Variants in FMN1 observed in about 807,000 individuals in gnomAD.
FMN1 encodes formin-1.
In FMN1, 110 loss-of-function variants were observed where a neutral mutation model predicts 132.4. The observed-to-expected ratio is 0.83, with a 90% CI of 0.71 to 0.97. The LOEUF is 0.97. Ranked by LOEUF, FMN1 falls within the 50% of genes least tolerant of loss-of-function variation. FMN1 has a pLI of 0.00. For missense variants in FMN1, 1,792 were observed against 1,705.3 expected (o/e 1.05, Z -0.90); for synonymous variants, 722 against 651.7 (o/e 1.11, Z -1.64).
intron 7 of FMN1, among the ~76,000 whole-genome samples, chr15:33,006,897 G>A (rs55856020): frequency 0.019 from 2,819 of 152,130 alleles, 80 homozygotes; most frequent in African/African-American, 0.061. Flanking sequence ...AGAGAGGGGT[G>A]AAAAGTGGGG....
intron 17 of FMN1, among the ~76,000 whole-genome samples, chr15:32,809,030 T>G (rs2057779168): frequency 6.6e-6 from 1 of 150,758 alleles, no homozygotes; most frequent in South Asian, 2.2e-4. Context: ...GCTCATTTTG[T>G]TTTATTTCAT....
chr15:33,144,219 A>G (rs943874281), intron 4 of FMN1, among the ~76,000 whole-genome samples: 6 of 152,158 alleles, frequency 3.9e-5, no homozygotes, highest in African/African-American at 1.4e-4. Context: ...AAATTTTAAA[A>G]CCCTGATTTA....
intron 4 of FMN1, 95 bp from the exon 5 acceptor site, chr15:33,089,069 T>TGTAGGA: frequency 4.1e-6 from 4 of 972,808 alleles, no homozygotes; most frequent in Non-Finnish European, 5.8e-6. Context: ...GACTTCTCTA[T>TGTAGGA]GCTAGCTCTT....
intron 17 of FMN1, among the ~76,000 whole-genome samples, chr15:32,845,922 C>T (rs1029418535): frequency 2.0e-5 from 3 of 151,830 alleles, no homozygotes; most frequent in African/African-American, 7.3e-5. Flanking sequence ...CATAATGACA[C>T]TGTGTACTAG....
intron 7 of FMN1, among the ~76,000 whole-genome samples, chr15:33,002,418 G>A (rs757769830): frequency 6.6e-6 from 1 of 152,222 alleles, no homozygotes; most frequent in Non-Finnish European, 1.5e-5. Context: ...ACAGGTAGGG[G>A]TGATATTCAG....
intron 19 of FMN1, among the ~76,000 whole-genome samples, chr15:32,797,686 A>C (rs1055884372): frequency 6.6e-6 from 1 of 152,176 alleles, no homozygotes; most frequent in African/African-American, 2.4e-5. Flanking sequence ...ATGTGTTGAT[A>C]AACACATCTT....
chr15:32,984,701 G>A (rs2032940440), intron 7 of FMN1, among the ~76,000 whole-genome samples: 1 of 152,066 alleles, frequency 6.6e-6, no homozygotes, highest in Non-Finnish European at 1.5e-5. Context: ...GATGGTGGTG[G>A]CCTTAGAGAA....
intron 5 of FMN1, among the ~76,000 whole-genome samples, chr15:33,076,635 TATGAGA>T (rs940284336): frequency 2.6e-5 from 4 of 152,170 alleles, no homozygotes; most frequent in Non-Finnish European, 4.4e-5. Flanking sequence ...TCCATAACTC[TATGAGA>T]AAGATGTCAT....
intron 4 of FMN1, among the ~76,000 whole-genome samples, chr15:33,129,996 T>A (rs977186423): frequency 6.6e-6 from 1 of 152,128 alleles, no homozygotes; most frequent in African/African-American, 2.4e-5. Flanking sequence ...GGTTTCACCA[T>A]GTTGGCCAGG....
chr15:33,094,601 A>G (rs1396745659), intron 4 of FMN1, among the ~76,000 whole-genome samples: 1 of 152,222 alleles, frequency 6.6e-6, no homozygotes, highest in Non-Finnish European at 1.5e-5. Flanking sequence ...TCGTTCATAG[A>G]TACCCTATGA....
intron 9 of FMN1, among the ~76,000 whole-genome samples, chr15:32,933,179 G>C (rs1876605189): frequency 6.6e-6 from 1 of 151,834 alleles, no homozygotes; most frequent in Non-Finnish European, 1.5e-5. Context: ...TTGTATTTTT[G>C]TTTCTGTTTG....
chr15:32,929,260 CTTCT>C (rs1290030816), intron 9 of FMN1, among the ~76,000 whole-genome samples: 2 of 152,288 alleles, frequency 1.3e-5, no homozygotes, highest in East Asian at 3.9e-4. Flanking sequence ...CAAAAAGATC[CTTCT>C]ATGTTTCCAT....
At chr15:32,816,079 T>TACC (rs149306280) in intron 17 of FMN1, among the ~76,000 whole-genome samples, 2,454 of 152,308 alleles carry the variant, frequency 0.016, 74 homozygotes, top group African/African-American at 0.056. Flanking sequence ...TGATAATGAC[T>TACC]ACCATCACTA....
At chr15:32,816,364 TTATA>T (rs1413145538) in intron 17 of FMN1, among the ~76,000 whole-genome samples, 1 of 152,184 alleles carries the variant, frequency 6.6e-6, no homozygotes, top group East Asian at 1.9e-4. Flanking sequence ...ATCACACACA[TTATA>T]TATATAGTTA....
chr15:32,859,842 G>A (rs1191767821), intron 16 of FMN1, among the ~76,000 whole-genome samples: 1 of 152,088 alleles, frequency 6.6e-6, no homozygotes, highest in Admixed American at 6.5e-5. Context: ...TTCAAGACCA[G>A]TCTGGCAACA....
At chr15:32,907,602 G>A (rs757593394) in intron 12 of FMN1, among the ~76,000 whole-genome samples, 6 of 152,150 alleles carry the variant, frequency 3.9e-5, no homozygotes, top group Non-Finnish European at 7.3e-5. Context: ...AGTGCAAGCC[G>A]GAGAACCTTG....
chr15:33,175,990 G>A (rs754740174), intron 3 of FMN1, among the ~76,000 whole-genome samples: 1 of 152,148 alleles, frequency 6.6e-6, no homozygotes, highest in Non-Finnish European at 1.5e-5. Context: ...ATGTAAAGAC[G>A]TGAGACATGT....
chr15:32,830,095 G>A (rs2058465384), intron 17 of FMN1, among the ~76,000 whole-genome samples: 1 of 151,842 alleles, frequency 6.6e-6, no homozygotes, highest in East Asian at 1.9e-4. Flanking sequence ...TCTGAATACA[G>A]GATCATCCCA....
At chr15:32,951,276 C>T (rs1022592426) in intron 9 of FMN1, among the ~76,000 whole-genome samples, 1 of 152,148 alleles carries the variant, frequency 6.6e-6, no homozygotes, top group Non-Finnish European at 1.5e-5. Flanking sequence ...ACCATGAAAG[C>T]AAAATACAAA....
Sources: allele counts gnomAD v4.1 joint callset (sites outside exome capture counted in the v4.1 genomes callset), GRCh38; gene constraint gnomAD v4.1.1; transcripts MANE v1.5; gene names NCBI Gene and HGNC (gene_info 2026-07-23, HGNC 2026-07-21).